Variants in ZNF236 observed in about 807,000 individuals in gnomAD.
ZNF236 encodes regulated by glucose.
Under a neutral mutation model 191.2 loss-of-function variants are expected in ZNF236, and 50 were observed. The ratio of observed to expected loss-of-function variants is 0.26; its 90% CI spans 0.21 to 0.33. The LOEUF (loss-of-function observed/expected upper bound fraction) is 0.33, where lower values mean the gene tolerates loss of function less well. Among genes scored for constraint, ZNF236 ranks in the 10% least tolerant of loss-of-function variants. The pLI is 1.00. For missense variants in ZNF236, 1,754 were observed against 2,374.5 expected (o/e 0.74, Z 5.43); for synonymous variants, 907 against 928.8 (o/e 0.98, Z 0.43).
chr18:76,902,015 G>C, intron 11 of ZNF236, among the ~76,000 whole-genome samples: 1 of 152,172 alleles, frequency 6.6e-6, no homozygotes, highest in Non-Finnish European at 1.5e-5. Flanking sequence ...ATCTTCAGTT[G>C]AGTTAGGTTC....
At chr18:76,949,000 CA>C (rs1384602037) in intron 27 of ZNF236, among the ~76,000 whole-genome samples, 2 of 152,306 alleles carry the variant, frequency 1.3e-5, no homozygotes, top group South Asian at 2.1e-4. Context: ...GGGAGCTGAT[CA>C]GGGGCACTGT....
At chr18:76,902,561 ATTTTTCTTTCT>A (rs1411208967) in intron 11 of ZNF236, among the ~76,000 whole-genome samples, 21 of 151,602 alleles carry the variant, frequency 1.4e-4, no homozygotes, top group Admixed American at 1.2e-3. Flanking sequence ...GGATGCCTGC[ATTTTTCTTTCT>A]TTTTTCTTTC....
chr18:76,865,432 C>G (rs1976380449), intron 3 of ZNF236, among the ~76,000 whole-genome samples: 1 of 152,208 alleles, frequency 6.6e-6, no homozygotes, highest in African/African-American at 2.4e-5. Flanking sequence ...AATGGCCCAG[C>G]ACAGTTCCTG....
At chr18:76,851,535 C>T (rs1975870803) in intron 2 of ZNF236, among the ~76,000 whole-genome samples, 2 of 152,140 alleles carry the variant, frequency 1.3e-5, no homozygotes, top group Admixed American at 1.3e-4. Context: ...TACAGCATTT[C>T]TTATTAGAAA....
chr18:76,861,743 C>T (rs1478376302), intron 3 of ZNF236, among the ~76,000 whole-genome samples: 5 of 152,160 alleles, frequency 3.3e-5, no homozygotes, highest in Admixed American at 3.3e-4. Context: ...CTAGGGGTCC[C>T]CCGTATCACT....
chr18:76,929,439 A>G (rs1440949399), intron 25 of ZNF236, among the ~76,000 whole-genome samples: 1 of 152,186 alleles, frequency 6.6e-6, no homozygotes, highest in Non-Finnish European at 1.5e-5. Flanking sequence ...TCTCGAGTAC[A>G]CTTAATATAA....
intron 7 of ZNF236, among the ~76,000 whole-genome samples, chr18:76,878,752 C>G (rs938585853): frequency 6.6e-6 from 1 of 152,102 alleles, no homozygotes; most frequent in East Asian, 1.9e-4. Context: ...ATTTAAGCAT[C>G]AACTATAGGT....
At chr18:76,881,575 T>C (rs1440116887) in intron 9 of ZNF236, 63 bp downstream of exon 9, 3 of 1,422,136 alleles carry the variant, frequency 2.1e-6, no homozygotes, top group Non-Finnish European at 2.9e-6. Flanking sequence ...TTTTAAGAAA[T>C]GTGCCCTTCT....
At chr18:76,871,670 C>T (rs1170874931) in intron 4 of ZNF236, 31 bp from the exon 5 acceptor site, 1 of 1,613,220 alleles carries the variant, frequency 6.2e-7, no homozygotes. Context: ...AGACATCTTA[C>T]TGTGTATTTT....
intron 3 of ZNF236, among the ~76,000 whole-genome samples, chr18:76,864,465 T>G (rs539772251): frequency 2.0e-5 from 3 of 151,974 alleles, no homozygotes; most frequent in South Asian, 2.1e-4. Context: ...CTCCCAAAGT[T>G]CTGGGATTAC....
rs185118976 is a variant in ZNF236, at chr18:76,928,172, T to C, written c.4594+66T>C. 6.3e-5 allele frequency: 83 copies of C among 1,316,944 alleles called. No homozygotes were observed. The African/African-American group carries it at 9.7e-4, about 15-fold the overall frequency. The allele number at this position is 1,316,944 out of a possible 1,614,324, so 81.6% of individuals were successfully genotyped here. A position where few individuals can be genotyped will look rare whatever the true frequency, so the allele number is the denominator to read the frequency against. ...TTTAAGTACTGTATATCTTACTATC[T>C]CTTTTCCTACAATACTCTGCTGTGC... is the stretch of plus-strand genomic sequence containing the variant. On this transcript the variant is annotated intron_variant, in intron 25 of 30. Coordinates refer to ENST00000320610, the MANE Select transcript of ZNF236 (RefSeq NM_001306089.2).
intron 14 of ZNF236, among the ~76,000 whole-genome samples, chr18:76,909,805 G>A (rs1282281213): frequency 1.3e-5 from 2 of 152,184 alleles, no homozygotes; most frequent in Non-Finnish European, 2.9e-5. Flanking sequence ...AACAATTATG[G>A]AATGTAATAG....
chr18:76,907,912 T>C (rs1020409109), intron 13 of ZNF236, among the ~76,000 whole-genome samples: 1 of 152,200 alleles, frequency 6.6e-6, no homozygotes, highest in Non-Finnish European at 1.5e-5. Flanking sequence ...GCGCACCACG[T>C]GTTGTCAGAT....
chr18:76,881,080 G>T (rs538951429), intron 8 of ZNF236, among the ~76,000 whole-genome samples: 1 of 152,156 alleles, frequency 6.6e-6, no homozygotes, highest in East Asian at 1.9e-4. Context: ...TATTATTTTG[G>T]GTGGGAGCAA....
At chr18:76,937,018 T>C (rs1968017899) in intron 25 of ZNF236, 138 bp from the exon 26 acceptor site, 2 of 660,654 alleles carry the variant, frequency 3.0e-6, no homozygotes, top group Admixed American at 5.5e-5. Context: ...TTGAAGACCC[T>C]GTGATTTCTT....
chr18:76,902,355 GAA>G (rs1317017041), intron 11 of ZNF236, among the ~76,000 whole-genome samples: 7 of 152,168 alleles, frequency 4.6e-5, no homozygotes, highest in African/African-American at 1.7e-4. Flanking sequence ...GATTAGCATA[GAA>G]TAGTGTTATG....
chr18:76,895,722 A>G (rs1977386073), intron 10 of ZNF236, among the ~76,000 whole-genome samples: 1 of 151,504 alleles, frequency 6.6e-6, no homozygotes, highest in African/African-American at 2.4e-5. Flanking sequence ...GCTCACGGGT[A>G]TGGCCCACAG....
rs780384809 is a variant in ZNF236, at chr18:76,880,166, G to C, written c.1038G>C (p.Ser346=). ...AACAGACGGAAGCCCAAGCCACGTC[G>C]GCCTCAAGCCAGCCGAGCTCCCAGG... ...PLQQTEAQAT[S]ASSQPSSQAV... The change falls in exon 8 of 31, where the codon TCG becomes TCC. Residue 346 remains serine (S), a synonymous_variant. Transcript: ENST00000320610. The surrounding 1 kb of genome is among the most constrained non-coding windows in gnomAD (Gnocchi z 5.0). 1 of 1,613,960 alleles carries C rather than the reference G, an allele frequency of 6.2e-7. No homozygotes were observed. The highest frequency in any genetic ancestry group is 1.6e-4 in the Middle Eastern group (1 of 6,062).
intron 1 of ZNF236, among the ~76,000 whole-genome samples, chr18:76,838,161 T>C (rs1462486074): frequency 2.6e-5 from 4 of 152,174 alleles, no homozygotes; most frequent in African/African-American, 9.7e-5. Flanking sequence ...TTAAAACATA[T>C]GGAGTGAAGT....
Sources: gnomAD v4.1 joint callset for allele counts (sites outside exome capture counted in the v4.1 genomes callset) on GRCh38, gnomAD v4.1.1 for gene constraint, Gnocchi (gnomAD v3.1) non-coding constraint, MANE v1.5 for transcripts, NCBI Gene and HGNC (gene_info 2026-07-23, HGNC 2026-07-21) for gene names.